ASCC3: variants seen among roughly 807,000 people sequenced by gnomAD.
ASCC3 encodes activating signal cointegrator 1 complex subunit 3.
A neutral mutation model predicts 256.3 loss-of-function variants in ASCC3; 158 were observed. The observed-to-expected ratio is 0.62, with a 90% CI of 0.54 to 0.70. ASCC3 has a LOEUF of 0.70. ASCC3 is among the 30% of genes least tolerant of loss of function. The probability of loss-of-function intolerance (pLI) is 0.00; values close to 1 mark genes in which losing one functional copy is unlikely to be tolerated. For missense variants in ASCC3, 2,259 were observed against 2,626.0 expected, an observed-to-expected ratio of 0.86 and a Z score of 3.05; for synonymous variants, 948 against 883.4, an observed-to-expected ratio of 1.07 and a Z score of -1.30.
chr6:100,789,842 G>A (rs1229999069), intron 8 of ASCC3, among the ~76,000 whole-genome samples: 2 of 151,714 alleles, frequency 1.3e-5, no homozygotes, highest in African/African-American at 2.4e-5. Context: ...TGATTCCCTG[G>A]TACATTTAAA....
At position 100,628,085 on chromosome 6, in the gene ASCC3, C is replaced by A. The variant is rs1243365628; in HGVS notation, c.4376-98G>T. On this transcript the variant is annotated intron_variant, in intron 27 of 41. Coordinates refer to ENST00000369162, the MANE Select transcript of ASCC3 (RefSeq NM_006828.4). ...AAGAGTTTGTAGCTTCCTCAAAAAA[C>A]AAAAACAAAAAAAAAAACAAAAAAA... 4,970 of 1,001,054 alleles carry A rather than the reference C, an allele frequency of 5.0e-3. 68 individuals carry two copies. Among genetic ancestry groups the A allele is most frequent in the African/African-American group, 0.041 (2,313 of 55,932 alleles). 62.0% of individuals were successfully genotyped at this position (1,001,054 alleles called of 1,614,324 possible). A position where few individuals can be genotyped will look rare whatever the true frequency, so the allele number is the denominator to read the frequency against.
At chr6:100,836,117 T>C (rs556510225) in intron 4 of ASCC3, among the ~76,000 whole-genome samples, 2 of 152,136 alleles carry the variant, frequency 1.3e-5, no homozygotes, top group Non-Finnish European at 2.9e-5. Context: ...ATCCTGGAAC[T>C]TTACTAAATT....
intron 30 of ASCC3, among the ~76,000 whole-genome samples, chr6:100,608,146 CTATA>C (rs1773068564): frequency 4.9e-5 from 2 of 41,092 alleles, no homozygotes; most frequent in Non-Finnish European, 1.0e-4. Flanking sequence ...GTATATATAT[CTATA>C]TATACATATT....
rs1582623249 is a variant in ASCC3, at chr6:100,644,156, T to C, written c.3634-27A>G. 4 of 1,458,062 alleles carry C rather than the reference T, an allele frequency of 2.7e-6. No individual in the cohort carries two copies. In the East Asian group the frequency reaches 9.1e-5, roughly 33 times the overall value. 90.3% of individuals were successfully genotyped at this position (1,458,062 alleles called of 1,614,324 possible). A position where few individuals can be genotyped will look rare whatever the true frequency, so the allele number is the denominator to read the frequency against. On this transcript the variant is annotated intron_variant, in intron 22 of 41. Coordinates refer to ENST00000369162, the MANE Select transcript of ASCC3 (RefSeq NM_006828.4). ...TAGAAGAAAAATAGCATCCTGCTAC[T>C]ATGCATATCATAACTCAAATAAGGG... is the stretch of plus-strand genomic sequence containing the variant.
intron 13 of ASCC3, among the ~76,000 whole-genome samples, chr6:100,687,034 TCACACACACACACACA>T (rs71028030): frequency 1.5e-5 from 2 of 130,564 alleles, no homozygotes; most frequent in Non-Finnish European, 3.2e-5. Context: ...TCTCTCTCTC[TCACACACACACACACA>T]CACACACACA....
At chr6:100,625,540 T>A (rs1487747619) in intron 29 of ASCC3, among the ~76,000 whole-genome samples, 1 of 151,972 alleles carries the variant, frequency 6.6e-6, no homozygotes, top group African/African-American at 2.4e-5. Context: ...CTAGAGAGTA[T>A]ATTGCCTAGG....
At chr6:100,581,620 G>C (rs1241437728) in intron 36 of ASCC3, among the ~76,000 whole-genome samples, 1 of 151,872 alleles carries the variant, frequency 6.6e-6, no homozygotes, top group East Asian at 1.9e-4. Flanking sequence ...GTCTTTTGTT[G>C]CCATTGCTTT....
chr6:100,648,119 G>C (rs1477327998), intron 20 of ASCC3, among the ~76,000 whole-genome samples: 2 of 152,066 alleles, frequency 1.3e-5, no homozygotes, highest in South Asian at 2.1e-4. Context: ...GTTGGTGTCA[G>C]AGCATCTACT....
At position 100,639,115 on chromosome 6, in the gene ASCC3, C is replaced by T. The variant is rs569075433; in HGVS notation, c.3902-294G>A. On this transcript the variant is annotated intron_variant, in intron 24 of 41. Coordinates refer to ENST00000369162, the MANE Select transcript of ASCC3 (RefSeq NM_006828.4). ...AAGTCATTTGAATAACAAGTATATG[C>T]ATGTTATAGAACAAAACCTAAATCT... 1.6e-4 allele frequency among the ~76,000 whole-genome samples: 25 copies of T among 152,246 alleles called. No homozygotes were observed. In the East Asian group the frequency reaches 4.8e-3, roughly 29 times the overall value.
chr6:100,580,964 C>T (rs1771207362), intron 36 of ASCC3, among the ~76,000 whole-genome samples: 1 of 152,076 alleles, frequency 6.6e-6, no homozygotes, highest in African/African-American at 2.4e-5. Flanking sequence ...GCCACATTTT[C>T]TTAATCCAGT....
chr6:100,651,700 A>C lies in ASCC3; in HGVS notation c.2989-54T>G, dbSNP rs1311908330. On this transcript the variant is annotated intron_variant, in intron 18 of 41. Transcript: ENST00000369162. ...AAATAAAAATATTTTAAATATTTTA[A>C]ATTAAAAATGTGACTATAAATTACA... is the stretch of plus-strand genomic sequence containing the variant. 7 of 975,502 alleles carry C rather than the reference A, an allele frequency of 7.2e-6. No individual in the cohort carries two copies. The Admixed American group carries it at 1.9e-4, about 27-fold the overall frequency. 60.4% of individuals were successfully genotyped at this position (975,502 alleles called of 1,614,324 possible). A position where few individuals can be genotyped will look rare whatever the true frequency, so the allele number is the denominator to read the frequency against.
chr6:100,573,164 T>C (rs11966218), intron 36 of ASCC3, among the ~76,000 whole-genome samples: 2,091 of 152,250 alleles, frequency 0.014, 55 homozygotes, highest in African/African-American at 0.048. Flanking sequence ...TGAAACATAT[T>C]CAGATGGCCT....
intron 37 of ASCC3, among the ~76,000 whole-genome samples, chr6:100,523,511 G>C (rs1219369506): frequency 6.6e-6 from 1 of 152,146 alleles, no homozygotes; most frequent in Non-Finnish European, 1.5e-5. Context: ...TCATAGAAAA[G>C]AGGGGCTTCC....
At chr6:100,666,023 T>C (rs1265989440) in intron 14 of ASCC3, among the ~76,000 whole-genome samples, 3 of 152,162 alleles carry the variant, frequency 2.0e-5, no homozygotes, top group East Asian at 1.9e-4. Flanking sequence ...TCCAACCCTA[T>C]AGTTTTGTCT....
chr6:100,792,150 A>T (rs903370935), intron 8 of ASCC3, among the ~76,000 whole-genome samples: 1 of 151,950 alleles, frequency 6.6e-6, no homozygotes, highest in Non-Finnish European at 1.5e-5. Context: ...ATCATAATAC[A>T]GTACTGTACT....
intron 26 of ASCC3, 44 bp from the exon 27 acceptor site, chr6:100,629,225 C>A: frequency 6.3e-7 from 1 of 1,582,240 alleles, no homozygotes; most frequent in Non-Finnish European, 8.7e-7. Flanking sequence ...TTTCAGGTAA[C>A]AAATGACCTT....
chr6:100,515,403 C>T (rs973748695), intron 39 of ASCC3, among the ~76,000 whole-genome samples: 3 of 152,078 alleles, frequency 2.0e-5, no homozygotes, highest in East Asian at 3.8e-4. Context: ...AAAAAAGACA[C>T]GGTTTAGAAG....
intron 2 of ASCC3, 147 bp from the exon 3 acceptor site, chr6:100,864,361 C>G: frequency 4.6e-6 from 3 of 650,156 alleles, no homozygotes; most frequent in Non-Finnish European, 7.7e-6. Context: ...AAACTGACTA[C>G]TCACAAAACA....
chr6:100,713,067 T>C (rs1325181986), intron 13 of ASCC3, among the ~76,000 whole-genome samples: 1 of 152,038 alleles, frequency 6.6e-6, no homozygotes, highest in Non-Finnish European at 1.5e-5. Flanking sequence ...GCAATTATAC[T>C]CTTTATTATT....
Sources: gnomAD v4.1 joint callset for allele counts (sites outside exome capture counted in the v4.1 genomes callset) on GRCh38, gnomAD v4.1.1 for gene constraint, MANE v1.5 for transcripts, NCBI Gene and HGNC (gene_info 2026-07-23, HGNC 2026-07-21) for gene names.